Variants in PALD1 observed in about 807,000 individuals in gnomAD.
PALD1 encodes paladin.
PALD1 carries 57 observed loss-of-function variants against 96.0 expected under a neutral mutation model. That is an observed-to-expected ratio of 0.59 (90% CI 0.48 to 0.74). The LOEUF (loss-of-function observed/expected upper bound fraction) is 0.74, where lower values mean the gene tolerates loss of function less well. Among genes scored for constraint, PALD1 ranks in the 30% least tolerant of loss-of-function variants. The pLI is 0.00. For synonymous variants in PALD1, 464 were observed against 473.6 expected (o/e 0.98, Z 0.26); for missense variants, 1,063 against 1,143.7 (o/e 0.93, Z 1.02).
At chr10:70,463,755 T>G in the PALD1 span, among the ~76,000 whole-genome samples, 2 of 152,044 alleles carry the variant, frequency 1.3e-5, no homozygotes, top group East Asian at 1.9e-4. Flanking sequence ...AGGAACTGAG[T>G]GGCCACCTCA....
rs61744349 is a variant in PALD1, at chr10:70,566,714, C to A, written c.2552C>A (p.Ala851Asp). The change falls in exon 20 of 20, where the codon GCC becomes GAC. Residue 851 changes from alanine (A) to aspartate (D), a missense_variant. Ala to Asp is a moderately radical substitution (Grantham distance 126). Coordinates refer to ENST00000263563, the MANE Select transcript of PALD1 (RefSeq NM_014431.3). ...QEQSCSLEPS[A>D]PEDLL ...CAGAGCTGCAGCCTCGAGCCCTCTG[C>A]CCCCGAGGACTTGCTGTAGGGGGCC... 1.3e-6 allele frequency: 2 copies of A among 1,599,386 alleles called. No individual in the cohort carries two copies. The highest frequency in any genetic ancestry group is 2.3e-5 in the South Asian group (2 of 88,794).
At chr10:70,507,247 CAA>C (rs752281450) in intron 1 of PALD1, among the ~76,000 whole-genome samples, 11 of 138,524 alleles carry the variant, frequency 7.9e-5, no homozygotes, top group African/African-American at 1.1e-4. Flanking sequence ...ACTAAAAATA[CAA>C]AAAAAAAAAA....
intron 1 of PALD1, among the ~76,000 whole-genome samples, chr10:70,492,315 G>A (rs1447530471): frequency 1.3e-5 from 2 of 152,026 alleles, no homozygotes; most frequent in Non-Finnish European, 1.5e-5. Context: ...GTATAACTCC[G>A]TGGTAAGTCA....
chr10:70,531,197 A>G, intron 4 of PALD1, 93 bp from the exon 5 acceptor site: 1 of 1,059,516 alleles, frequency 9.4e-7, no homozygotes, highest in Non-Finnish European at 1.4e-6. Context: ...GGAGGAAGGA[A>G]CAGCTTGGGC....
At chr10:70,520,803 T>C (rs1434687399) in intron 1 of PALD1, among the ~76,000 whole-genome samples, 1 of 148,738 alleles carries the variant, frequency 6.7e-6, no homozygotes, top group Non-Finnish European at 1.5e-5. Flanking sequence ...GCGACTCTCC[T>C]GCCTCAGCCT....
At chr10:70,516,072 G>A (rs1006842533) in intron 1 of PALD1, among the ~76,000 whole-genome samples, 3 of 152,212 alleles carry the variant, frequency 2.0e-5, no homozygotes, top group African/African-American at 7.2e-5. Context: ...GGGTCACAGA[G>A]GACTTAAGAC....
intron 18 of PALD1, among the ~76,000 whole-genome samples, chr10:70,556,189 C>T (rs915756021): frequency 2.6e-5 from 4 of 151,952 alleles, no homozygotes; most frequent in Non-Finnish European, 4.4e-5. Flanking sequence ...CAGCCTAGAA[C>T]GGCTTCCAGA....
Position 70,534,720 on chromosome 10 carries a change from C to A in PALD1, c.1123-19C>A. 1 of 1,407,406 alleles carries A rather than the reference C, an allele frequency of 7.1e-7. No homozygotes were observed. The highest frequency in any genetic ancestry group is 1.0e-6 in the Non-Finnish European group (1 of 1,002,864). 87.2% of individuals were successfully genotyped at this position (1,407,406 alleles called of 1,614,324 possible). A position where few individuals can be genotyped will look rare whatever the true frequency, so the allele number is the denominator to read the frequency against. On this transcript the variant is annotated intron_variant, in intron 9 of 19. Coordinates refer to ENST00000263563, the MANE Select transcript of PALD1 (RefSeq NM_014431.3). ...CACCCCCCCACCTCCCTCTTACTTG[C>A]CTTGGTCTCTGGCACCAGGTGGACA...
intron 4 of PALD1, among the ~76,000 whole-genome samples, chr10:70,530,976 C>G (rs1684403826): frequency 6.6e-6 from 1 of 152,164 alleles, no homozygotes. Flanking sequence ...ATGATTTTGC[C>G]TACGAGGAAC....
intron 18 of PALD1, among the ~76,000 whole-genome samples, chr10:70,553,425 G>A (rs962937673): frequency 3.9e-5 from 6 of 152,210 alleles, no homozygotes; most frequent in Admixed American, 6.5e-5. Context: ...GTGAGAGCCA[G>A]CAGGGAGTGG....
Position 70,566,680 on chromosome 10 carries a change from T to A in PALD1, c.2518T>A (p.Trp840Arg). 1 of 1,608,634 alleles carries A rather than the reference T, an allele frequency of 6.2e-7. No homozygotes were observed. Among genetic ancestry groups the A allele is most frequent in the Non-Finnish European group, 8.5e-7 (1 of 1,178,688 alleles). The change falls in exon 20 of 20, where the codon TGG becomes AGG. Residue 840 changes from tryptophan (W) to arginine (R), a missense_variant. Physicochemically the swap from Trp to Arg is moderately radical, Grantham distance 101 (BLOSUM62 -3). Transcript: ENST00000263563. The stretch of plus-strand genomic sequence containing the variant: ...GCCCTTCTCCAGGCTGCGCTACCGG[T>A]GGCAGGAGCAGAGCTGCAGCCTCGA... ...DQPFSRLRYRWQEQSCSLEPS... is the reference protein window; with the variant it reads ...DQPFSRLRYRRQEQSCSLEPS...
intron 1 of PALD1, among the ~76,000 whole-genome samples, chr10:70,489,339 T>A (rs1846065047): frequency 6.6e-6 from 1 of 152,204 alleles, no homozygotes; most frequent in Admixed American, 6.5e-5. Context: ...CTGCCATCGA[T>A]GTGTAGATGA....
At chr10:70,498,820 T>C (rs749520064) in intron 1 of PALD1, among the ~76,000 whole-genome samples, 4 of 151,834 alleles carry the variant, frequency 2.6e-5, no homozygotes, top group Non-Finnish European at 5.9e-5. Context: ...CCCAGCTACT[T>C]TTGAGGCTGA....
At chr10:70,557,973 A>C (rs1384328197) in intron 18 of PALD1, among the ~76,000 whole-genome samples, 1 of 115,660 alleles carries the variant, frequency 8.6e-6, no homozygotes, top group African/African-American at 3.3e-5. Flanking sequence ...TTGCTCTGTC[A>C]CCCAGGCTGC....
intron 1 of PALD1, among the ~76,000 whole-genome samples, chr10:70,497,120 T>C (rs1482127316): frequency 2.0e-5 from 3 of 152,210 alleles, no homozygotes; most frequent in Non-Finnish European, 4.4e-5. Flanking sequence ...CAGACTGCAG[T>C]TTGCCCTACG....
At chr10:70,507,744 TGTGTGC>T (rs1485298602) in intron 1 of PALD1, among the ~76,000 whole-genome samples, 1 of 75,294 alleles carries the variant, frequency 1.3e-5, no homozygotes, top group African/African-American at 4.4e-5. Context: ...GTATGTTTTG[TGTGTGC>T]GTGTGTGTGT....
chr10:70,475,146 G>A (rs1431559050), upstream of PALD1, among the ~76,000 whole-genome samples: 1 of 152,238 alleles, frequency 6.6e-6, no homozygotes, highest in Non-Finnish European at 1.5e-5. Flanking sequence ...GAGACTTGGA[G>A]CAATGTGGTA....
intron 19 of PALD1, among the ~76,000 whole-genome samples, 185 bp downstream of exon 19, chr10:70,564,704 C>T (rs551599631): frequency 2.6e-5 from 4 of 152,314 alleles, no homozygotes; most frequent in South Asian, 2.1e-4. Flanking sequence ...CTTTGGGTCC[C>T]GAGCAGTTTG....
At chr10:70,561,627 C>T (rs1268707991) in intron 18 of PALD1, among the ~76,000 whole-genome samples, 1 of 152,186 alleles carries the variant, frequency 6.6e-6, no homozygotes, top group East Asian at 1.9e-4. Flanking sequence ...TGGGCCATTC[C>T]CGCCCTCAAA....
Sources: allele counts gnomAD v4.1 joint callset (sites outside exome capture counted in the v4.1 genomes callset), GRCh38; gene constraint gnomAD v4.1.1; transcripts MANE v1.5; gene names NCBI Gene and HGNC (gene_info 2026-07-23, HGNC 2026-07-21).